The following GRIK3 variants were observed in gnomAD, a reference collection of about 807,000 sequenced individuals.
GRIK3 encodes the protein glutamate ionotropic receptor kainate type subunit 3.
GRIK3 carries 29 observed loss-of-function variants against 102.5 expected under a neutral mutation model. That is an observed-to-expected ratio of 0.28 (90% confidence interval 0.21 to 0.39). The LOEUF (loss-of-function observed/expected upper bound fraction) is 0.39, where lower values mean the gene tolerates loss of function less well. Among genes scored for constraint, GRIK3 ranks in the 10% least tolerant of loss-of-function variants. The pLI is 1.00. For missense variants in GRIK3, 908 were observed against 1,252.4 expected, an observed-to-expected ratio of 0.73 and a Z score of 4.15; for synonymous variants, 511 against 504.9, an observed-to-expected ratio of 1.01 and a Z score of -0.16.
chr1:36,864,826 C>T (rs1483128894), intron 5 of GRIK3, among the ~76,000 whole-genome samples: 1 of 150,374 alleles, frequency 6.7e-6, no homozygotes, highest in African/African-American at 2.5e-5. Context: ...TGAAGAGGCT[C>T]TTTTGTCCAG....
intron 10 of GRIK3, 37 bp from the exon 11 acceptor site, chr1:36,825,863 C>A (rs762238148): frequency 6.9e-7 from 1 of 1,455,962 alleles, no homozygotes; most frequent in Non-Finnish European, 9.5e-7. Context: ...AGACTATGAG[C>A]AAAGTCTCAG....
At chr1:37,029,277 C>T (rs999738897) in intron 1 of GRIK3, among the ~76,000 whole-genome samples, 3 of 152,228 alleles carry the variant, frequency 2.0e-5, no homozygotes, top group African/African-American at 2.4e-5. Flanking sequence ...GGAGGACAAG[C>T]GAGTGCCTGC....
chr1:37,017,269 C>T (rs1557464872), intron 1 of GRIK3, among the ~76,000 whole-genome samples: 1 of 146,934 alleles, frequency 6.8e-6, no homozygotes, highest in African/African-American at 2.5e-5. Flanking sequence ...TGTGGTGGCT[C>T]ACACCTGTAA....
intron 13 of GRIK3, among the ~76,000 whole-genome samples, chr1:36,807,523 A>G (rs1028010074): frequency 1.3e-5 from 2 of 152,248 alleles, no homozygotes; most frequent in South Asian, 4.1e-4. Flanking sequence ...CATGGGTGCA[A>G]TTGAACAGGC....
chr1:36,937,733 C>T (rs1000900201), intron 1 of GRIK3, among the ~76,000 whole-genome samples: 3 of 152,116 alleles, frequency 2.0e-5, no homozygotes, highest in Admixed American at 2.0e-4. Flanking sequence ...ACAGCCATTC[C>T]AATTGCGATT....
intron 1 of GRIK3, among the ~76,000 whole-genome samples, chr1:36,957,586 G>GCC (rs1641935226): frequency 7.4e-6 from 1 of 134,748 alleles, no homozygotes; most frequent in Non-Finnish European, 1.6e-5. Context: ...TGCCCTGTGA[G>GCC]TCTCTGTGCC....
intron 1 of GRIK3, among the ~76,000 whole-genome samples, chr1:37,030,536 C>T (rs1376347291): frequency 9.6e-6 from 1 of 104,704 alleles, no homozygotes; most frequent in African/African-American, 4.9e-5. Flanking sequence ...CTTTTCCCCA[C>T]CCCCCACCCC....
At chr1:37,012,616 G>A (rs1642608601) in intron 1 of GRIK3, among the ~76,000 whole-genome samples, 1 of 152,176 alleles carries the variant, frequency 6.6e-6, no homozygotes, top group Non-Finnish European at 1.5e-5. Flanking sequence ...TAAGCATTTT[G>A]ACACCACATT....
chr1:37,002,716 T>TCCCCCCC (rs1642491240), intron 1 of GRIK3, among the ~76,000 whole-genome samples: 1 of 150,680 alleles, frequency 6.6e-6, no homozygotes. Flanking sequence ...ACTTACTCTG[T>TCCCCCCC]CACCCAGGCT....
At chr1:36,970,765 A>C (rs538129429) in intron 1 of GRIK3, among the ~76,000 whole-genome samples, 3 of 152,214 alleles carry the variant, frequency 2.0e-5, no homozygotes, top group Admixed American at 2.0e-4. Context: ...GCTCACTGGG[A>C]AATCAATTAT....
intron 1 of GRIK3, among the ~76,000 whole-genome samples, chr1:36,916,505 A>C (rs1242670882): frequency 6.6e-6 from 1 of 152,204 alleles, no homozygotes; most frequent in Non-Finnish European, 1.5e-5. Flanking sequence ...CATCACAGGC[A>C]TGGAGACCTA....
intron 1 of GRIK3, among the ~76,000 whole-genome samples, chr1:36,932,833 G>A (rs542701007): frequency 6.6e-6 from 1 of 152,124 alleles, no homozygotes. Context: ...GCTAGGTACT[G>A]CATCTATTTG....
At chr1:36,980,410 C>G (rs911940955) in intron 1 of GRIK3, among the ~76,000 whole-genome samples, 1 of 151,646 alleles carries the variant, frequency 6.6e-6, no homozygotes, top group Non-Finnish European at 1.5e-5. Flanking sequence ...TCACACAGAT[C>G]TTCTCTTTGC....
chr1:37,033,515 C>CTG (rs991900919), intron 1 of GRIK3, among the ~76,000 whole-genome samples: 1 of 152,186 alleles, frequency 6.6e-6, no homozygotes, highest in Non-Finnish European at 1.5e-5. Context: ...TCATGCGAAT[C>CTG]TGTGCCCTGC....
At chr1:36,997,019 C>T (rs1165788411) in intron 1 of GRIK3, among the ~76,000 whole-genome samples, 1 of 152,148 alleles carries the variant, frequency 6.6e-6, no homozygotes, top group Admixed American at 6.5e-5. Context: ...GCCCCAAATG[C>T]CAAGAGTGCT....
intron 1 of GRIK3, among the ~76,000 whole-genome samples, chr1:36,916,491 C>T (rs1641402080): frequency 6.6e-6 from 1 of 152,190 alleles, no homozygotes; most frequent in Non-Finnish European, 1.5e-5. Flanking sequence ...ATGGCAGCCC[C>T]TCACATCACA....
intron 8 of GRIK3, among the ~76,000 whole-genome samples, chr1:36,851,863 G>A (rs1052422256): frequency 1.3e-5 from 2 of 152,194 alleles, no homozygotes; most frequent in South Asian, 2.1e-4. Flanking sequence ...CTCAAATGAC[G>A]GATTATTGAT....
intron 1 of GRIK3, among the ~76,000 whole-genome samples, chr1:36,916,681 T>C (rs945085869): frequency 4.6e-5 from 7 of 152,260 alleles, no homozygotes; most frequent in African/African-American, 1.4e-4. Flanking sequence ...GCAGCTTCCA[T>C]GTGGTGTTGA....
chr1:37,002,003 C>T (rs1012576381), intron 1 of GRIK3, among the ~76,000 whole-genome samples: 1 of 152,128 alleles, frequency 6.6e-6, no homozygotes, highest in Non-Finnish European at 1.5e-5. Context: ...AACTCTGCCC[C>T]TTCCAGCAGG....
Sources: gnomAD v4.1 joint callset for allele counts (sites outside exome capture counted in the v4.1 genomes callset) on GRCh38, gnomAD v4.1.1 for gene constraint, MANE v1.5 for transcripts, NCBI Gene and HGNC (gene_info 2026-07-23, HGNC 2026-07-21) for gene names.